CEP350: variants seen among roughly 807,000 people sequenced by gnomAD.
The protein encoded by CEP350 is centrosomal protein 350, also known as centrosome-associated protein 350.
In CEP350, 126 loss-of-function variants were observed where a neutral mutation model predicts 331.8. The observed-to-expected ratio is 0.38, with a 90% CI of 0.33 to 0.44. The LOEUF (loss-of-function observed/expected upper bound fraction) is 0.44. Among genes scored for constraint, CEP350 ranks in the 20% least tolerant of loss-of-function variants. The probability of loss-of-function intolerance (pLI) is 1.00; values close to 1 mark genes in which losing one functional copy is unlikely to be tolerated. For synonymous variants in CEP350, 1,200 were observed against 1,259.5 expected, an observed-to-expected ratio of 0.95 and a Z score of 1.00; for missense variants, 3,406 against 3,634.6, an observed-to-expected ratio of 0.94 and a Z score of 1.62.
intron 1 of CEP350, among the ~76,000 whole-genome samples, chr1:179,963,032 G>A (rs1044065803): frequency 6.6e-6 from 1 of 151,886 alleles, no homozygotes; most frequent in African/African-American, 2.4e-5. Flanking sequence ...GTATCAGTGT[G>A]GTTTTAATTT....
At chr1:180,106,525 C>T (rs569977096) in intron 37 of CEP350, among the ~76,000 whole-genome samples, 84 of 152,236 alleles carry the variant, frequency 5.5e-4, no homozygotes, top group Non-Finnish European at 1.1e-3. Flanking sequence ...CAGTGTCCCT[C>T]TTTAAATACA....
At chr1:180,099,359 CAAT>C (rs1660662991) in intron 37 of CEP350, among the ~76,000 whole-genome samples, 1 of 152,044 alleles carries the variant, frequency 6.6e-6, no homozygotes, top group African/African-American at 2.4e-5. Flanking sequence ...GTGAAGGTAA[CAAT>C]AATAGTACTT....
intron 30 of CEP350, among the ~76,000 whole-genome samples, chr1:180,083,597 A>G (rs1659691827): frequency 6.6e-6 from 1 of 152,242 alleles, no homozygotes; most frequent in African/African-American, 2.4e-5. Context: ...CTTAAAAACT[A>G]TTAAATTATG....
intron 14 of CEP350, among the ~76,000 whole-genome samples, chr1:180,025,371 G>A (rs938982404): frequency 6.6e-6 from 1 of 152,056 alleles, no homozygotes; most frequent in Non-Finnish European, 1.5e-5. Flanking sequence ...GAAATTAAGG[G>A]AGATAATGTA....
chr1:179,974,169 T>C (rs1440532103), intron 1 of CEP350, among the ~76,000 whole-genome samples: 1 of 152,070 alleles, frequency 6.6e-6, no homozygotes. Context: ...AAGCTCTGCC[T>C]CTCGGGTTCA....
Position 180,111,321 on chromosome 1 carries a change from G to A in CEP350, c.*160G>A. The A allele has an allele frequency of 1.2e-6, 1 of 802,802 alleles. No individual in the cohort carries two copies. Among genetic ancestry groups the A allele is most frequent in the Non-Finnish European group, 1.9e-6 (1 of 526,630 alleles). 49.7% of individuals were successfully genotyped at this position (802,802 alleles called of 1,614,324 possible). ...GTTCATAGGACAATGTGGTACACCT[G>A]GTATTACAGCCTTTGCCTTTCGAGA... On this transcript the variant is annotated 3_prime_UTR_variant, in exon 38 of 38. Transcript: ENST00000367607.
chr1:179,991,707 G>GTGTATATATA (rs1385981536), intron 4 of CEP350, among the ~76,000 whole-genome samples: 23 of 96,974 alleles, frequency 2.4e-4, no homozygotes, highest in South Asian at 8.1e-4. Context: ...GTGTGTGTGT[G>GTGTATATATA]TATATATATA....
At chr1:180,002,958 A>G (rs1429332440) in intron 6 of CEP350, among the ~76,000 whole-genome samples, 18 of 152,204 alleles carry the variant, frequency 1.2e-4, no homozygotes, top group Admixed American at 1.2e-3. Flanking sequence ...AGTGACTGCT[A>G]ATAGGTACAG....
rs938333161 is a variant in CEP350 at position 180,113,791 on chromosome 1, C to T, written c.*2630C>T. 3.3e-5 allele frequency: 5 copies of T among 152,616 alleles called. No individual in the cohort carries two copies. Among genetic ancestry groups the T allele is most frequent in the Non-Finnish European group, 7.3e-5 (5 of 68,034 alleles). The allele number at this position is 152,616 out of a possible 1,614,324, so 9.5% of individuals were successfully genotyped here. ...CTCCCTACACCCTCATCCTCTTTCA[C>T]TCTTCCTTCATAATTCCTCTAAGAA... On this transcript the variant is annotated 3_prime_UTR_variant, in exon 38 of 38. Coordinates refer to ENST00000367607, the MANE Select transcript of CEP350 (RefSeq NM_014810.5).
In CEP350 at chr1:180,111,307, A is replaced by C. The variant is rs1661458674; in HGVS notation, c.*146A>C. On this transcript the variant is annotated 3_prime_UTR_variant, in exon 38 of 38. Coordinates refer to ENST00000367607, the MANE Select transcript of CEP350 (RefSeq NM_014810.5). ...ACTACCAGTATGGAGTTCATAGGAC[A>C]ATGTGGTACACCTGGTATTACAGCC... 1 of 910,586 alleles carries C rather than the reference A, an allele frequency of 1.1e-6. No homozygotes were observed. The highest frequency in any genetic ancestry group is 2.7e-5 in the East Asian group (1 of 37,066). The allele number at this position is 910,586 out of a possible 1,614,324, so 56.4% of individuals were successfully genotyped here. A position where few individuals can be genotyped will look rare whatever the true frequency, so the allele number is the denominator to read the frequency against.
chr1:180,016,914 C>T (rs1376416904), intron 11 of CEP350, among the ~76,000 whole-genome samples: 1 of 152,160 alleles, frequency 6.6e-6, no homozygotes, highest in Non-Finnish European at 1.5e-5. Context: ...CCACCCACCT[C>T]AGCCTCCCAA....
chr1:180,107,830 AAAAAC>A lies in CEP350; in HGVS notation c.9190-3142_9190-3138del, dbSNP rs59243464. Among the ~76,000 whole-genome samples, 219 of 150,422 alleles carry A rather than the reference AAAAAC, an allele frequency of 1.5e-3. 1 individual carries two copies. The highest frequency in any genetic ancestry group is 3.2e-3 in the African/African-American group (131 of 41,182). ...ACCCTGTCCCCTCCTCTGCTCCCAA[AAAAAC>A]AAAACAAAACAAAACAAAACAAAAA... On this transcript the variant is annotated intron_variant, in intron 37 of 37. Coordinates refer to ENST00000367607, the MANE Select transcript of CEP350 (RefSeq NM_014810.5).
chr1:180,062,564 G>C (rs1658287785), intron 26 of CEP350, among the ~76,000 whole-genome samples, 198 bp downstream of exon 26: 1 of 152,106 alleles, frequency 6.6e-6, no homozygotes, highest in African/African-American at 2.4e-5. Flanking sequence ...ATTTATAAAG[G>C]AGCAAAATTT....
At chr1:179,965,299 C>T (rs189660335) in intron 1 of CEP350, among the ~76,000 whole-genome samples, 1 of 152,160 alleles carries the variant, frequency 6.6e-6, no homozygotes, top group East Asian at 1.9e-4. Context: ...TGTATTGAGA[C>T]TTGCTTTATG....
Position 180,004,719 on chromosome 1 carries a change from G to C in CEP350, c.1132+1432G>C, listed in dbSNP as rs562942096. ...GTTATGATCTGTCAGCAGCATGATT[G>C]ATCACTTCTTCTTTGAAATTTTCAC... On this transcript the variant is annotated intron_variant, in intron 7 of 37. Coordinates refer to ENST00000367607, the MANE Select transcript of CEP350 (RefSeq NM_014810.5). 1.8e-4 allele frequency among the ~76,000 whole-genome samples: 27 copies of C among 152,250 alleles called. No individual in the cohort carries two copies. The Middle Eastern group carries it at 0.01, about 58-fold the overall frequency.
intron 1 of CEP350, among the ~76,000 whole-genome samples, chr1:179,970,202 A>G (rs1266907518): frequency 6.6e-6 from 1 of 152,152 alleles, no homozygotes; most frequent in Non-Finnish European, 1.5e-5. Context: ...TCTACTTCCT[A>G]TGCTGCAAAG....
rs545158476 is a variant in CEP350, at chr1:180,088,673, C to A, written c.6425+956C>A. On this transcript the variant is annotated intron_variant, in intron 32 of 37. Coordinates refer to ENST00000367607, the MANE Select transcript of CEP350 (RefSeq NM_014810.5). ...AATTTAGCATTACCTAAATTTGAAT[C>A]CTGGCTCCAGTTCTAGCTGGTTCTG... 3.9e-5 allele frequency among the ~76,000 whole-genome samples: 6 copies of A among 152,236 alleles called. No individual in the cohort carries two copies. In the South Asian group the frequency reaches 8.3e-4, roughly 21 times the overall value.
In CEP350 at chr1:180,095,770, C is replaced by G; in HGVS notation, c.8759C>G (p.Ala2920Gly). The stretch of plus-strand genomic sequence containing the variant: ...ACATTATTGGCAGTCCCCCATACTG[C>G]AGAAGAAGTAGAGATTCTTGTACAT... ...CETLLAVPHTAEEVEILVHNA... is the reference protein window; with the variant it reads ...CETLLAVPHTGEEVEILVHNA... Residue 2920 changes from alanine to glycine, a missense_variant, in exon 35 of 38, where the codon GCA becomes GGA. This residue lies in a region of CEP350 where 1,415 missense variants were observed against 1,512.3 expected (regional missense o/e 0.94). Coordinates refer to ENST00000367607, the MANE Select transcript of CEP350 (RefSeq NM_014810.5). 1 of 1,613,936 alleles carries G rather than the reference C, an allele frequency of 6.2e-7. No individual in the cohort carries two copies. The highest frequency in any genetic ancestry group is 8.5e-7 in the Non-Finnish European group (1 of 1,179,870).
At position 180,013,864 on chromosome 1, in the gene CEP350, G is replaced by A. The variant is rs1216215026; in HGVS notation, c.1411G>A (p.Ala471Thr). ...CTTTGCAGGGGGTCACATTGGAAGA[G>A]CAGAATCTGATCCCAGGTTGGACGT... ...TAKSGGHIGRAESDPRLDVLH... is the reference protein window; with the variant it reads ...TAKSGGHIGRTESDPRLDVLH... The change falls in exon 10 of 38, where the codon GCA (alanine) becomes ACA (threonine). Residue 471 changes from alanine to threonine, a missense_variant. Ala to Thr is a moderately conservative substitution (Grantham distance 58). Around this residue, in one of 5 missense-constraint regions of CEP350, gnomAD observed 1,857 missense variants for 1,909.2 expected, o/e 0.97. Transcript: ENST00000367607. The A allele has an allele frequency of 2.5e-6, 4 of 1,610,532 alleles. No homozygotes were observed. The highest frequency in any genetic ancestry group is 3.4e-6 in the Non-Finnish European group (4 of 1,178,408).
Sources: allele counts gnomAD v4.1 joint callset (sites outside exome capture counted in the v4.1 genomes callset), GRCh38; gene constraint gnomAD v4.1.1; regional missense constraint gnomAD v4.1.1; transcripts MANE v1.5; gene names NCBI Gene and HGNC (gene_info 2026-07-23, HGNC 2026-07-21).